Variants in PCDHA1 observed in about 807,000 individuals in gnomAD.
PCDHA1 encodes protocadherin alpha-1.
Under a neutral mutation model 61.3 loss-of-function variants are expected in PCDHA1, and 42 were observed. The observed-to-expected ratio is 0.69, with a 90% CI of 0.54 to 0.89. The LOEUF is 0.89. Ranked by LOEUF, PCDHA1 falls within the 40% of genes least tolerant of loss-of-function variation. PCDHA1 has a pLI of 0.00. For synonymous variants in PCDHA1, 610 were observed against 553.8 expected, an observed-to-expected ratio of 1.10 and a Z score of -1.43; for missense variants, 1,256 against 1,235.3, an observed-to-expected ratio of 1.02 and a Z score of -0.25.
intron 1 of PCDHA1, among the ~76,000 whole-genome samples, chr5:140,957,748 G>T (rs2095381433): frequency 6.6e-6 from 1 of 152,080 alleles, no homozygotes; most frequent in South Asian, 2.1e-4. Context: ...GACATGAAAG[G>T]ATGTTCATTA....
intron 1 of PCDHA1, chr5:140,875,846 A>T: frequency 6.2e-7 from 1 of 1,614,176 alleles, no homozygotes. Context: ...GAGGTGAAGG[A>T]CATTAACGAC....
At chr5:140,807,239 C>G (rs782505608) in intron 1 of PCDHA1, 1 of 1,613,964 alleles carries the variant, frequency 6.2e-7, no homozygotes, top group African/African-American at 1.3e-5. Context: ...GCTGCTCTTA[C>G]TTCTTCTCCT....
intron 1 of PCDHA1, among the ~76,000 whole-genome samples, chr5:140,800,654 A>G (rs952305891): frequency 4.6e-5 from 7 of 152,226 alleles, no homozygotes; most frequent in African/African-American, 1.2e-4. Context: ...CTTAACCTCT[A>G]TGTGTTTATA....
At chr5:140,877,311 G>A (rs200978234) in intron 1 of PCDHA1, 2 of 1,613,852 alleles carry the variant, frequency 1.2e-6, no homozygotes, top group Admixed American at 3.3e-5. Flanking sequence ...AGTTGCAACC[G>A]GCGGCGGTCG....
chr5:140,916,840 C>G (rs1350788875), intron 1 of PCDHA1, among the ~76,000 whole-genome samples: 1 of 152,128 alleles, frequency 6.6e-6, no homozygotes, highest in African/African-American at 2.4e-5. Context: ...TGGTTCTGAG[C>G]CCAGCCCAGC....
At chr5:140,911,396 G>C (rs1348303429) in intron 1 of PCDHA1, among the ~76,000 whole-genome samples, 1 of 152,104 alleles carries the variant, frequency 6.6e-6, no homozygotes, top group Non-Finnish European at 1.5e-5. Context: ...TTTCATTGCA[G>C]GTCAGCCACT....
At chr5:140,892,896 C>T (rs1489868294) in intron 1 of PCDHA1, among the ~76,000 whole-genome samples, 1 of 152,112 alleles carries the variant, frequency 6.6e-6, no homozygotes, top group Non-Finnish European at 1.5e-5. Flanking sequence ...CCAACCTTTC[C>T]CCATCCTCCT....
chr5:140,840,029 G>A (rs916611667), intron 1 of PCDHA1, among the ~76,000 whole-genome samples: 1 of 152,050 alleles, frequency 6.6e-6, no homozygotes, highest in African/African-American at 2.4e-5. Flanking sequence ...GTCACGTAGC[G>A]TATCTCCCAG....
intron 1 of PCDHA1, chr5:140,803,009 C>T: frequency 6.2e-7 from 1 of 1,614,016 alleles, no homozygotes; most frequent in Non-Finnish European, 8.5e-7. Flanking sequence ...CAGGCTACAA[C>T]GCGTGGCTTT....
chr5:140,890,724 CT>C (rs2062771629), intron 1 of PCDHA1, among the ~76,000 whole-genome samples: 2 of 152,108 alleles, frequency 1.3e-5, no homozygotes, highest in African/African-American at 2.4e-5. Context: ...TTTTTAATCC[CT>C]TTTGACTTAT....
chr5:140,831,811 G>A (rs1771711397), intron 1 of PCDHA1, among the ~76,000 whole-genome samples: 1 of 152,006 alleles, frequency 6.6e-6, no homozygotes, highest in African/African-American at 2.4e-5. Flanking sequence ...CTGTAAAGTT[G>A]GAATGATAAA....
chr5:140,804,810 A>T, intron 1 of PCDHA1: 1 of 314,338 alleles, frequency 3.2e-6, no homozygotes, highest in Non-Finnish European at 5.8e-6. Context: ...AATAGTAACC[A>T]ACTGAAACCT....
chr5:140,990,977 G>T (rs1554251868), intron 3 of PCDHA1, among the ~76,000 whole-genome samples: 1 of 152,156 alleles, frequency 6.6e-6, no homozygotes, highest in African/African-American at 2.4e-5. Context: ...CAAGAGAAAG[G>T]AAGACAATAG....
In PCDHA1 at chr5:140,836,623, G is replaced by C. The variant is rs2150266037; in HGVS notation, c.2394+47939G>C. 44 of 1,613,510 alleles carry C rather than the reference G, an allele frequency of 2.7e-5. 1 individual carries two copies. The highest frequency in any genetic ancestry group is 4.5e-5 in the East Asian group (2 of 44,856). On this transcript the variant is annotated intron_variant, in intron 1 of 3. Transcript: ENST00000504120. ...CTGGTGTGCTCCAGCGCGGTGGGGA[G>C]CTGGTCATTCTCCCAGCAGAGGCGG...
chr5:140,835,790 G>T (rs1203887296), intron 1 of PCDHA1: 1 of 1,613,158 alleles, frequency 6.2e-7, no homozygotes, highest in South Asian at 1.1e-5. Flanking sequence ...AGAACAACCC[G>T]CCGGGCTGCC....
chr5:140,797,323 C>T lies in PCDHA1; in HGVS notation c.2394+8639C>T, dbSNP rs781921851. 3.1e-6 allele frequency: 5 copies of T among 1,614,086 alleles called. No individual in the cohort carries two copies. The African/African-American group carries it at 4.0e-5, about 13-fold the overall frequency. On this transcript the variant is annotated intron_variant, in intron 1 of 3. Coordinates refer to ENST00000504120, the MANE Select transcript of PCDHA1 (RefSeq NM_018900.4). ...AGGTCCAGACTCCGCAGAAGAGAAA[C>T]AGCTCTCAGAATCAGAATACGTAGG...
At chr5:140,809,011 G>C in intron 1 of PCDHA1, 1 of 1,613,732 alleles carries the variant, frequency 6.2e-7, no homozygotes, top group Non-Finnish European at 8.5e-7. Context: ...CGTGGCTTTC[G>C]TACGAGCTGC....
At chr5:140,832,639 G>T (rs1038103707) in intron 1 of PCDHA1, among the ~76,000 whole-genome samples, 1 of 152,018 alleles carries the variant, frequency 6.6e-6, no homozygotes, top group African/African-American at 2.4e-5. Flanking sequence ...TTCCTAGGAG[G>T]GTCTTTAAGA....
rs1272806838 is a variant in PCDHA1, at chr5:140,818,351, CATTG to C, written c.2394+29673_2394+29676del. ...TGTTATTCTAGGCCACTGTCAAAGTCATTGATTGAATTCTTAACTTGAATCGTGG... is the reference window on the plus strand; with the variant it reads ...TGTTATTCTAGGCCACTGTCAAAGTCATTGAATTCTTAACTTGAATCGTGG... On this transcript the variant is annotated intron_variant, in intron 1 of 3. Coordinates refer to ENST00000504120, the MANE Select transcript of PCDHA1 (RefSeq NM_018900.4). 7.2e-5 allele frequency among the ~76,000 whole-genome samples: 11 copies of C among 152,282 alleles called. No individual in the cohort carries two copies. The South Asian group carries it at 2.3e-3, about 32-fold the overall frequency.
Sources: gnomAD v4.1 joint callset for allele counts (sites outside exome capture counted in the v4.1 genomes callset) on GRCh38, gnomAD v4.1.1 for gene constraint, MANE v1.5 for transcripts, NCBI Gene and HGNC (gene_info 2026-07-23, HGNC 2026-07-21) for gene names.